The following STAM2 variants were observed in gnomAD, a reference collection of about 807,000 sequenced individuals.
The protein encoded by STAM2 is signal transducing adapter molecule 2.
A neutral mutation model predicts 65.6 loss-of-function variants in STAM2; 51 were observed. The ratio of observed to expected loss-of-function variants is 0.78; its 90% CI spans 0.62 to 0.98. The LOEUF (loss-of-function observed/expected upper bound fraction) is 0.98, where lower values mean the gene tolerates loss of function less well. Ranked by LOEUF, STAM2 falls within the 50% of genes least tolerant of loss-of-function variation. The pLI is 0.00. For missense variants in STAM2, 584 were observed against 617.8 expected (o/e 0.95, Z 0.58); for synonymous variants, 198 against 208.4 (o/e 0.95, Z 0.43).
chr2:152,173,357 T>C (rs990905879), intron 1 of STAM2, among the ~76,000 whole-genome samples: 2 of 148,690 alleles, frequency 1.3e-5, no homozygotes, highest in African/African-American at 2.4e-5. Flanking sequence ...TGGGCGTATA[T>C]ACACACATAT....
At chr2:152,146,885 G>A (rs1689344693) in intron 5 of STAM2, among the ~76,000 whole-genome samples, 2 of 152,278 alleles carry the variant, frequency 1.3e-5, no homozygotes, top group East Asian at 1.9e-4. Context: ...TTGAATATAA[G>A]GGGTATGTCA....
intron 1 of STAM2, among the ~76,000 whole-genome samples, chr2:152,158,931 G>A (rs1300079211): frequency 6.6e-6 from 1 of 151,066 alleles, no homozygotes; most frequent in Non-Finnish European, 1.5e-5. Flanking sequence ...GTTGCATTGG[G>A]GACTGTCTCC....
rs1312912955 is a variant in STAM2, at chr2:152,117,106, C to A, written c.*3468G>T. 2.0e-5 allele frequency: 3 copies of A among 152,144 alleles called. No individual in the cohort carries two copies. Among genetic ancestry groups the A allele is most frequent in the African/African-American group, 7.2e-5 (3 of 41,440 alleles). 9.4% of individuals were successfully genotyped at this position (152,144 alleles called of 1,614,324 possible). A position where few individuals can be genotyped will look rare whatever the true frequency, so the allele number is the denominator to read the frequency against. On this transcript the variant is annotated 3_prime_UTR_variant, in exon 14 of 14. Coordinates refer to ENST00000263904, the MANE Select transcript of STAM2 (RefSeq NM_005843.6). ...ATATCACACAAGCAACATAATGCCT[C>A]TTTTGACACAGTAAGATTTTAAAAA... is the stretch of plus-strand genomic sequence containing the variant.
intron 5 of STAM2, among the ~76,000 whole-genome samples, chr2:152,145,914 A>G (rs1287307521): frequency 6.6e-6 from 1 of 152,200 alleles, no homozygotes; most frequent in Non-Finnish European, 1.5e-5. Flanking sequence ...TTTCCTTTTT[A>G]TTACTTATAA....
intron 1 of STAM2, among the ~76,000 whole-genome samples, chr2:152,162,229 A>G: frequency 6.6e-6 from 1 of 152,232 alleles, no homozygotes; most frequent in Non-Finnish European, 1.5e-5. Context: ...ATAACTCCTG[A>G]GCATTTTACA....
chr2:152,168,195 C>A lies in STAM2; in HGVS notation c.40+7408G>T, dbSNP rs182851896. Among the ~76,000 whole-genome samples the A allele has an allele frequency of 3.9e-5, 6 of 151,924 alleles. No individual in the cohort carries two copies. In the South Asian group the frequency reaches 1.2e-3, roughly 32 times the overall value. On this transcript the variant is annotated intron_variant, in intron 1 of 13. Coordinates refer to ENST00000263904, the MANE Select transcript of STAM2 (RefSeq NM_005843.6). Reference sequence around the variant, plus strand: ...TTTTCTTTTGAGATGGAGTCTCGCTCTGTCGTCCGGGCTGGAGTGCAGTGG... The same window carrying A: ...TTTTCTTTTGAGATGGAGTCTCGCTATGTCGTCCGGGCTGGAGTGCAGTGG...
chr2:152,175,690 C>G lies in STAM2; in HGVS notation c.-48G>C. 1.3e-6 allele frequency: 2 copies of G among 1,584,152 alleles called. No individual in the cohort carries two copies. Among genetic ancestry groups the G allele is most frequent in the Admixed American group, 1.8e-5 (1 of 55,436 alleles). The stretch of plus-strand genomic sequence containing the variant: ...TCGCTGCTGTCTAGCTGACACTCAG[C>G]AACTGCTACCCGCCGGGTGACCCGC... On this transcript the variant is annotated 5_prime_UTR_variant, in exon 1 of 14. Transcript: ENST00000263904.
At chr2:152,169,248 T>A (rs1219343884) in intron 1 of STAM2, among the ~76,000 whole-genome samples, 1 of 152,174 alleles carries the variant, frequency 6.6e-6, no homozygotes, top group Non-Finnish European at 1.5e-5. Context: ...CAATTTTGTT[T>A]TATTTTTTGG....
At chr2:152,161,494 TAAAAAAAAA>T (rs10714838) in intron 1 of STAM2, among the ~76,000 whole-genome samples, 1 of 103,598 alleles carries the variant, frequency 9.7e-6, no homozygotes, top group African/African-American at 3.5e-5. Flanking sequence ...GAATGATCAA[TAAAAAAAAA>T]AAAAAAAAAA....
intron 5 of STAM2, among the ~76,000 whole-genome samples, chr2:152,146,546 T>C (rs1012771030): frequency 1.3e-5 from 2 of 152,148 alleles, no homozygotes; most frequent in African/African-American, 2.4e-5. Context: ...TACATTTCCA[T>C]CCATCTTGTA....
chr2:152,167,832 C>T (rs1204140264), intron 1 of STAM2, among the ~76,000 whole-genome samples: 1 of 152,082 alleles, frequency 6.6e-6, no homozygotes, highest in Non-Finnish European at 1.5e-5. Context: ...ATTGCTTGAA[C>T]CCAGGAGACA....
chr2:152,140,532 C>T (rs1449301255), intron 7 of STAM2, among the ~76,000 whole-genome samples: 1 of 152,194 alleles, frequency 6.6e-6, no homozygotes, highest in African/African-American at 2.4e-5. Flanking sequence ...CGTGAGAAAA[C>T]TGCTATTTCT....
intron 1 of STAM2, among the ~76,000 whole-genome samples, chr2:152,172,154 C>T (rs146707208): frequency 6.6e-6 from 1 of 152,208 alleles, no homozygotes; most frequent in Non-Finnish European, 1.5e-5. Context: ...TTTTTCCCCT[C>T]AGAACACATC....
Position 152,175,650 on chromosome 2 carries a change from G to C in STAM2, c.-8C>G, listed in dbSNP as rs1370128560. ...GGCGGTGAACAAAGGCATCTCGCCG[G>C]CGCCCGAGCCCTAGTCGCTGCTGTC... is the stretch of plus-strand genomic sequence containing the variant. On this transcript the variant is annotated 5_prime_UTR_variant, in exon 1 of 14. Coordinates refer to ENST00000263904, the MANE Select transcript of STAM2 (RefSeq NM_005843.6). 6.2e-7 allele frequency: 1 copy of C among 1,611,766 alleles called. No individual in the cohort carries two copies. The highest frequency in any genetic ancestry group is 1.7e-5 in the Admixed American group (1 of 59,760).
chr2:152,129,864 C>A (rs1319745295), intron 11 of STAM2, among the ~76,000 whole-genome samples: 2 of 152,142 alleles, frequency 1.3e-5, no homozygotes, highest in Non-Finnish European at 2.9e-5. Context: ...CTGTTAATTG[C>A]CACACAGATT....
At chr2:152,140,278 A>G (rs910560979) in intron 7 of STAM2, among the ~76,000 whole-genome samples, 2 of 152,246 alleles carry the variant, frequency 1.3e-5, no homozygotes, top group Non-Finnish European at 2.9e-5. Context: ...CTGTGGAAAT[A>G]AAAATGACAT....
chr2:152,165,086 T>A (rs1689751868), intron 1 of STAM2, among the ~76,000 whole-genome samples: 1 of 152,014 alleles, frequency 6.6e-6, no homozygotes, highest in African/African-American at 2.4e-5. Context: ...AATAGGCCTA[T>A]TAGGAAGCAT....
intron 7 of STAM2, among the ~76,000 whole-genome samples, chr2:152,141,258 C>A (rs917386309): frequency 7.0e-6 from 1 of 142,988 alleles, no homozygotes; most frequent in Admixed American, 7.0e-5. Context: ...GCCTTTGGGC[C>A]GGCACAGTGG....
At chr2:152,163,397 T>C (rs1689720002) in intron 1 of STAM2, among the ~76,000 whole-genome samples, 1 of 152,252 alleles carries the variant, frequency 6.6e-6, no homozygotes, top group African/African-American at 2.4e-5. Flanking sequence ...TCCTGTTATC[T>C]TCGTAAGCTG....
Sources: allele counts gnomAD v4.1 joint callset (sites outside exome capture counted in the v4.1 genomes callset), GRCh38; gene constraint gnomAD v4.1.1; transcripts MANE v1.5; gene names NCBI Gene and HGNC (gene_info 2026-07-23, HGNC 2026-07-21).